The following DARS1 variants were observed in gnomAD, a reference collection of about 807,000 sequenced individuals.
DARS1 encodes the protein aspartyl-tRNA synthetase 1, also known as aspartate--tRNA ligase, cytoplasmic.
Under a neutral mutation model 68.8 loss-of-function variants are expected in DARS1, and 51 were observed. The ratio of observed to expected loss-of-function variants is 0.74; its 90% CI spans 0.59 to 0.94. The LOEUF is 0.94. Among genes scored for constraint, DARS1 ranks in the 40% least tolerant of loss-of-function variants. The pLI is 0.00. For synonymous variants in DARS1, 203 were observed against 190.4 expected, an observed-to-expected ratio of 1.07 and a Z score of -0.55; for missense variants, 607 against 597.3, an observed-to-expected ratio of 1.02 and a Z score of -0.17.
chr2:135,977,993 C>G (rs1682536573), intron 3 of DARS1, among the ~76,000 whole-genome samples: 1 of 151,178 alleles, frequency 6.6e-6, no homozygotes, highest in African/African-American at 2.4e-5. Context: ...AAATGCAAAA[C>G]TTTGCCAGGC....
intron 3 of DARS1, among the ~76,000 whole-genome samples, chr2:135,973,109 G>C (rs1682417085): frequency 6.6e-6 from 1 of 152,162 alleles, no homozygotes. Context: ...GTATCGAAGA[G>C]ATATCTGCAC....
chr2:135,919,614 T>C (rs1047365766), intron 10 of DARS1, among the ~76,000 whole-genome samples: 1 of 152,236 alleles, frequency 6.6e-6, no homozygotes, highest in African/African-American at 2.4e-5. Flanking sequence ...CTATTTTCTT[T>C]TCCTATTTTC....
At chr2:135,956,553 A>G (rs1681981614) in intron 4 of DARS1, among the ~76,000 whole-genome samples, 1 of 152,166 alleles carries the variant, frequency 6.6e-6, no homozygotes, top group Non-Finnish European at 1.5e-5. Flanking sequence ...TGAACAATGC[A>G]GGCATAAACA....
At chr2:135,980,615 T>G (rs907842654) in intron 2 of DARS1, 1 of 152,210 alleles carries the variant, frequency 6.6e-6, no homozygotes. Flanking sequence ...ACAGACTTTA[T>G]GAGTTAAGCC....
chr2:135,908,743 C>A (rs1047846428), intron 15 of DARS1, among the ~76,000 whole-genome samples: 5 of 151,998 alleles, frequency 3.3e-5, no homozygotes, highest in Admixed American at 2.0e-4. Context: ...TGTCCTTTGC[C>A]CACTTTTTAA....
chr2:135,940,638 C>T (rs895483035), intron 5 of DARS1, among the ~76,000 whole-genome samples: 35 of 152,198 alleles, frequency 2.3e-4, no homozygotes, highest in East Asian at 5.8e-4. Context: ...CTATTCAACA[C>T]AGTGTTGGAA....
At chr2:135,947,931 A>T (rs908167677) in intron 4 of DARS1, among the ~76,000 whole-genome samples, 8 of 152,152 alleles carry the variant, frequency 5.3e-5, no homozygotes, top group Non-Finnish European at 1.0e-4. Flanking sequence ...ACACTGATGT[A>T]TCTTGATGTT....
chr2:135,940,320 C>G (rs968461783), intron 5 of DARS1, among the ~76,000 whole-genome samples: 1 of 152,142 alleles, frequency 6.6e-6, no homozygotes, highest in Admixed American at 6.5e-5. Flanking sequence ...TACCATTAAG[C>G]TGGCTTTATC....
At position 135,967,075 on chromosome 2, in the gene DARS1, G is replaced by A. The variant is rs1443290373; in HGVS notation, c.218-5577C>T. ...TCAGCAATGAAATAGGCCTTCATGG[G>A]AGAACCAGAGTATCAAAGATGTGAG... On this transcript the variant is annotated intron_variant, in intron 3 of 15. Transcript: ENST00000264161. Among the ~76,000 whole-genome samples, 3 of 152,288 alleles carry A rather than the reference G, an allele frequency of 2.0e-5. No homozygotes were observed. The East Asian group carries it at 5.8e-4, about 29-fold the overall frequency.
chr2:135,970,961 C>A (rs1682356147), intron 3 of DARS1, among the ~76,000 whole-genome samples: 2 of 152,174 alleles, frequency 1.3e-5, no homozygotes, highest in African/African-American at 4.8e-5. Context: ...AATAAAAAGT[C>A]TCCCAATAAA....
chr2:135,914,393 C>CCT, intron 12 of DARS1, 76 bp downstream of exon 12: 1 of 840,588 alleles, frequency 1.2e-6, no homozygotes, highest in East Asian at 2.4e-5. Context: ...GAAGCTCAGA[C>CCT]CCCTCTGCAA....
At chr2:135,941,354 G>A (rs1456941065) in intron 5 of DARS1, among the ~76,000 whole-genome samples, 17 of 152,048 alleles carry the variant, frequency 1.1e-4, no homozygotes, top group African/African-American at 3.6e-4. Context: ...AAATAACACC[G>A]CATATCTACA....
intron 9 of DARS1, among the ~76,000 whole-genome samples, chr2:135,921,619 ATATG>A (rs1681111762): frequency 6.6e-6 from 1 of 152,264 alleles, no homozygotes; most frequent in Admixed American, 6.5e-5. Context: ...TATGACTGTG[ATATG>A]TATGTATGTC....
intron 4 of DARS1, among the ~76,000 whole-genome samples, chr2:135,957,984 G>C (rs1370470660): frequency 2.0e-5 from 3 of 152,084 alleles, no homozygotes; most frequent in Non-Finnish European, 4.4e-5. Context: ...TGTAGCCTTA[G>C]AGCCAGTTCC....
rs377510027 is a variant in DARS1, at chr2:135,911,447, A to G, written c.1277T>C (p.Leu426Ser). 1.0e-5 allele frequency: 11 copies of G among 1,103,272 alleles called. No homozygotes were observed. Among genetic ancestry groups the G allele is most frequent in the East Asian group, 9.4e-5 (4 of 42,624 alleles). The allele number at this position is 1,103,272 out of a possible 1,614,324, so 68.3% of individuals were successfully genotyped here. Reference sequence around the variant, plus strand: ...ATCATGTATTCTTTGAGCTCCTGACAATATTTCTTCTCCTCTCATGAACAT... The same window carrying G: ...ATCATGTATTCTTTGAGCTCCTGACGATATTTCTTCTCCTCTCATGAACAT... ...YDMFMRGEEI[L>S]SGAQRIHDPQ... Residue 426 changes from leucine (L) to serine (S), a missense_variant, in exon 14 of 16, where the codon TTG becomes TCG. Leu to Ser is a moderately radical substitution (Grantham distance 145). Transcript: ENST00000264161.
rs1681487047 is a variant in DARS1 at position 135,937,097 on chromosome 2, T to A, written c.424-3107A>T. Among the ~76,000 whole-genome samples the A allele has an allele frequency of 2.0e-5, 3 of 152,254 alleles. No homozygotes were observed. The South Asian group carries it at 6.2e-4, about 32-fold the overall frequency. ...ATGTGTGAATTCACTTATGGTTTTT[T>A]TTTGTTGTTGAGATGGGGTCTCACT... On this transcript the variant is annotated intron_variant, in intron 5 of 15. Coordinates refer to ENST00000264161, the MANE Select transcript of DARS1 (RefSeq NM_001349.4).
upstream of DARS1, chr2:135,985,661 G>A: frequency 1.4e-6 from 2 of 1,379,662 alleles, no homozygotes; most frequent in African/African-American, 1.4e-5. Flanking sequence ...ATCCCGGAGC[G>A]CTGGCGGCCG....
intron 13 of DARS1, 144 bp downstream of exon 13, chr2:135,912,342 G>A (rs1160409993): frequency 2.3e-6 from 1 of 443,748 alleles, no homozygotes; most frequent in Non-Finnish European, 4.1e-6. Flanking sequence ...TTTGACCAGT[G>A]GTGACAGACA....
intron 3 of DARS1, among the ~76,000 whole-genome samples, chr2:135,963,841 G>C (rs536064408): frequency 6.6e-6 from 1 of 151,088 alleles, no homozygotes; most frequent in East Asian, 2.0e-4. Flanking sequence ...CACCACACCT[G>C]GCTAATTTTT....
Sources: allele counts gnomAD v4.1 joint callset (sites outside exome capture counted in the v4.1 genomes callset), GRCh38; gene constraint gnomAD v4.1.1; transcripts MANE v1.5; gene names NCBI Gene and HGNC (gene_info 2026-07-23, HGNC 2026-07-21).